Variants in ENC1 observed in about 807,000 individuals in gnomAD.
The protein encoded by ENC1 is ectodermal-neural cortex 1.
ENC1 carries 19 observed loss-of-function variants against 40.9 expected under a neutral mutation model. The ratio of observed to expected loss-of-function variants is 0.46; its 90% CI spans 0.32 to 0.68. The LOEUF is 0.68. Among genes scored for constraint, ENC1 ranks in the 30% least tolerant of loss-of-function variants. The probability of loss-of-function intolerance (pLI) is 0.03; values close to 1 mark genes in which losing one functional copy is unlikely to be tolerated. For synonymous variants in ENC1, 285 were observed against 291.1 expected (o/e 0.98, Z 0.21); for missense variants, 479 against 737.5 (o/e 0.65, Z 4.06).
intron 1 of ENC1, chr5:74,640,052 A>C (rs1370953929): frequency 6.6e-6 from 1 of 152,148 alleles, no homozygotes; most frequent in Non-Finnish European, 1.5e-5. Context: ...TCGCTTCCCC[A>C]GCGGCTCGCC....
chr5:74,630,366 C>A (rs774174075), intron 2 of ENC1, among the ~76,000 whole-genome samples: 4 of 152,200 alleles, frequency 2.6e-5, no homozygotes, highest in African/African-American at 9.6e-5. Context: ...CATAAAATTT[C>A]TTTCTGTGGT....
At position 74,628,142 on chromosome 5, in the gene ENC1, C is replaced by T. The variant is rs1747264734; in HGVS notation, c.*1883G>A. 1.3e-5 allele frequency: 2 copies of T among 152,596 alleles called. No individual in the cohort carries two copies. 9.5% of individuals were successfully genotyped at this position (152,596 alleles called of 1,614,324 possible). ...CATTGCTTAGAACACATCTAGGAAC[C>T]AGGGACTGACTGCTGGAAAGTACTG... is the stretch of plus-strand genomic sequence containing the variant. On this transcript the variant is annotated 3_prime_UTR_variant, in exon 3 of 3. Transcript: ENST00000302351.
At position 74,635,076 on chromosome 5, in the gene ENC1, G is replaced by A. The variant is rs1747528307; in HGVS notation, c.1410C>T (p.Asn470=). The change falls in exon 2 of 3, where the codon AAC becomes AAT. Residue 470 remains asparagine (N), a synonymous_variant. Transcript: ENST00000302351. This position sits in a 1 kb window ranked among gnomAD's most constrained non-coding sequence, Gnocchi z 5.5. ...PKVQCYDQCE[N]RWTVPATCPQ... ...GACAGGTGGCCGGTACAGTCCACCT[G>A]TTTTCACACTGATCGTAACACTGAA... The A allele has an allele frequency of 2.5e-6, 4 of 1,614,184 alleles. No individual in the cohort carries two copies. Among genetic ancestry groups the A allele is most frequent in the Non-Finnish European group, 3.4e-6 (4 of 1,180,024 alleles).
At position 74,627,846 on chromosome 5, in the gene ENC1, T is replaced by C. The variant is rs1382851493; in HGVS notation, c.*2179A>G. ...CAAGTAGTGAGACCAAATGCCTATA[T>C]CGATTCAAAGAGTGGGAGTCCAGAA... On this transcript the variant is annotated 3_prime_UTR_variant, in exon 3 of 3. Coordinates refer to ENST00000302351, the MANE Select transcript of ENC1 (RefSeq NM_003633.4). The C allele has an allele frequency of 6.6e-6, 1 of 152,668 alleles. No individual in the cohort carries two copies. Among genetic ancestry groups the C allele is most frequent in the Non-Finnish European group, 1.5e-5 (1 of 68,084 alleles). 9.5% of individuals were successfully genotyped at this position (152,668 alleles called of 1,614,324 possible).
chr5:74,629,955 T>C lies in ENC1; in HGVS notation c.*70A>G, dbSNP rs553446880. Reference sequence around the variant, plus strand: ...TTCATTAGACTTGGCCTCTCCGAAGTAGAAATCTCATATTATCTCATCGAG... The same window carrying C: ...TTCATTAGACTTGGCCTCTCCGAAGCAGAAATCTCATATTATCTCATCGAG... On this transcript the variant is annotated 3_prime_UTR_variant, in exon 3 of 3. Transcript: ENST00000302351. 3.3e-5 allele frequency: 5 copies of C among 151,832 alleles called. No homozygotes were observed. In the South Asian group the frequency reaches 8.3e-4, roughly 25 times the overall value. 9.4% of individuals were successfully genotyped at this position (151,832 alleles called of 1,614,324 possible). A position where few individuals can be genotyped will look rare whatever the true frequency, so the allele number is the denominator to read the frequency against.
At chr5:74,638,596 A>C (rs1747699303) in intron 1 of ENC1, among the ~76,000 whole-genome samples, 1 of 152,222 alleles carries the variant, frequency 6.6e-6, no homozygotes, top group Non-Finnish European at 1.5e-5. Context: ...ACCAATGCCC[A>C]GTGTTTTGGA....
In ENC1 at chr5:74,629,177, C is replaced by T. The variant is rs1470033992; in HGVS notation, c.*848G>A. On this transcript the variant is annotated 3_prime_UTR_variant, in exon 3 of 3. Coordinates refer to ENST00000302351, the MANE Select transcript of ENC1 (RefSeq NM_003633.4). ...TGTCTTGACATTTTAAAAATCCACC[C>T]CTCCCCAACCCACCCTCCAGTTATG... The T allele has an allele frequency of 6.6e-6, 1 of 152,084 alleles. No individual in the cohort carries two copies. The highest frequency in any genetic ancestry group is 6.6e-5 in the Admixed American group (1 of 15,264). The allele number at this position is 152,084 out of a possible 1,614,324, so 9.4% of individuals were successfully genotyped here. A position where few individuals can be genotyped will look rare whatever the true frequency, so the allele number is the denominator to read the frequency against.
At chr5:74,633,293 C>G (rs2112021606) in intron 2 of ENC1, among the ~76,000 whole-genome samples, 1 of 152,230 alleles carries the variant, frequency 6.6e-6, no homozygotes, top group Admixed American at 6.5e-5. Flanking sequence ...TTATTTGAGC[C>G]AAGAGTATTC....
intron 2 of ENC1, among the ~76,000 whole-genome samples, chr5:74,630,309 A>G (rs1747349915): frequency 6.6e-6 from 1 of 152,188 alleles, no homozygotes; most frequent in Non-Finnish European, 1.5e-5. Context: ...ATCCAAACCT[A>G]TATGTCTAGA....
chr5:74,639,076 G>C lies in ENC1; in HGVS notation c.-14+1231C>G, dbSNP rs1233029923. ...TTGGCCCAACAAGCCAGAAGGAAGA[G>C]CCTAGCCTGTCATCTTGGATACCAC... On this transcript the variant is annotated intron_variant, in intron 1 of 2. Coordinates refer to ENST00000302351, the MANE Select transcript of ENC1 (RefSeq NM_003633.4). Among the ~76,000 whole-genome samples the C allele has an allele frequency of 5.3e-5, 8 of 152,336 alleles. No individual in the cohort carries two copies. In the South Asian group the frequency reaches 1.7e-3, roughly 32 times the overall value.
rs745617479 is a variant in ENC1, at chr5:74,635,715, G to A, written c.771C>T (p.Thr257=). 3 of 1,614,120 alleles carry A rather than the reference G, an allele frequency of 1.9e-6. No individual in the cohort carries two copies. Among genetic ancestry groups the A allele is most frequent in the South Asian group, 2.2e-5 (2 of 91,080 alleles). ...MENVAMEELI[T]KQRKSKEIVE... Reference sequence around the variant, plus strand: ...CAATTTCCTTACTCTTTCTCTGCTTGGTGATGAGTTCCTCCATGGCCACAT... The same window carrying A: ...CAATTTCCTTACTCTTTCTCTGCTTAGTGATGAGTTCCTCCATGGCCACAT... Residue 257 remains threonine (T), a synonymous_variant, in exon 2 of 3, where the codon ACC becomes ACT. Transcript: ENST00000302351. This position sits in a 1 kb window ranked among gnomAD's most constrained non-coding sequence, Gnocchi z 5.5.
At position 74,635,732 on chromosome 5, in the gene ENC1, T is replaced by C. The variant is rs773857113; in HGVS notation, c.754A>G (p.Met252Val). ...PAIYLMENVA[M>V]EELITKQRKS... Reference sequence around the variant, plus strand: ...CTCTGCTTGGTGATGAGTTCCTCCATGGCCACATTCTCCATGAGATAGATG... The same window carrying C: ...CTCTGCTTGGTGATGAGTTCCTCCACGGCCACATTCTCCATGAGATAGATG... Residue 252 changes from methionine to valine, a missense_variant, in exon 2 of 3, where the codon ATG (methionine) becomes GTG (valine). By Grantham distance (21) the Met-to-Val change is conservative. Transcript: ENST00000302351. This position sits in a 1 kb window ranked among gnomAD's most constrained non-coding sequence, Gnocchi z 5.5. 28 of 1,614,072 alleles carry C rather than the reference T, an allele frequency of 1.7e-5. No homozygotes were observed. Among genetic ancestry groups the C allele is most frequent in the South Asian group, 7.7e-5 (7 of 91,082 alleles).
rs1747316211 is a variant in ENC1, at chr5:74,629,456, T to C, written c.*569A>G. ...CAAATGGCTACCAACAAAGTCCCCA[T>C]TGTTCAGAAACGTTCCTGGGGAGCA... On this transcript the variant is annotated 3_prime_UTR_variant, in exon 3 of 3. Transcript: ENST00000302351. The C allele has an allele frequency of 6.6e-6, 1 of 152,234 alleles. No homozygotes were observed. The highest frequency in any genetic ancestry group is 1.5e-5 in the Non-Finnish European group (1 of 68,048). 9.4% of individuals were successfully genotyped at this position (152,234 alleles called of 1,614,324 possible).
chr5:74,638,333 CA>C (rs1425181895), intron 1 of ENC1, among the ~76,000 whole-genome samples: 2 of 152,196 alleles, frequency 1.3e-5, no homozygotes, highest in Non-Finnish European at 2.9e-5. Flanking sequence ...ACCACAAAGG[CA>C]GGGGCATGAC....
intron 1 of ENC1, among the ~76,000 whole-genome samples, chr5:74,639,544 T>A (rs999416347): frequency 6.6e-6 from 1 of 152,176 alleles, no homozygotes; most frequent in Admixed American, 6.5e-5. Context: ...CTCAATCCAA[T>A]CAAAAGAGAA....
intron 2 of ENC1, among the ~76,000 whole-genome samples, chr5:74,633,990 C>CT (rs1747481729): frequency 6.6e-6 from 1 of 152,240 alleles, no homozygotes; most frequent in South Asian, 2.1e-4. Flanking sequence ...AGCTGGCATA[C>CT]TTAACAGAGG....
rs183860882 is a variant in ENC1 at position 74,633,845 on chromosome 5, T to C, written c.*32+839A>G. Among the ~76,000 whole-genome samples the C allele has an allele frequency of 2.3e-3, 356 of 152,308 alleles. 1 individual carries two copies. Among genetic ancestry groups the C allele is most frequent in the African/African-American group, 7.9e-3 (328 of 41,564 alleles). On this transcript the variant is annotated intron_variant, in intron 2 of 2. Coordinates refer to ENST00000302351, the MANE Select transcript of ENC1 (RefSeq NM_003633.4). ...AACTCGGGCAGCTTAGCCTCCGTAATGCATGAAGGTTTTTTCATCTATAAA... is the reference window on the plus strand; with the variant it reads ...AACTCGGGCAGCTTAGCCTCCGTAACGCATGAAGGTTTTTTCATCTATAAA...
At position 74,635,017 on chromosome 5, in the gene ENC1, A is replaced by C. The variant is rs1170008720; in HGVS notation, c.1469T>G (p.Leu490Arg). Residue 490 changes from leucine to arginine, a missense_variant, in exon 2 of 3, where the codon CTG becomes CGG. By Grantham distance (102) the Leu-to-Arg change is moderately radical. Transcript: ENST00000302351. This position sits in a 1 kb window ranked among gnomAD's most constrained non-coding sequence, Gnocchi z 5.5. ...QPWRYTAAAV[L>R]GNQIFIMGGD... Reference sequence around the variant, plus strand: ...CCCCATAATAAAAATCTGGTTCCCCAGCACAGCTGCTGCTGTGTAACGCCA... The same window carrying C: ...CCCCATAATAAAAATCTGGTTCCCCCGCACAGCTGCTGCTGTGTAACGCCA... 2 of 1,614,238 alleles carry C rather than the reference A, an allele frequency of 1.2e-6. No individual in the cohort carries two copies.
Position 74,636,284 on chromosome 5 carries a change from T to C in ENC1, c.202A>G (p.Ser68Gly). 6.2e-7 allele frequency: 1 copy of C among 1,614,188 alleles called. No individual in the cohort carries two copies. The highest frequency in any genetic ancestry group is 8.5e-7 in the Non-Finnish European group (1 of 1,180,044). The change falls in exon 2 of 3, where the codon AGT becomes GGT. Residue 68 changes from serine (S) to glycine (G), a missense_variant. Transcript: ENST00000302351. This position sits in a 1 kb window ranked among gnomAD's most constrained non-coding sequence, Gnocchi z 4.8. ...CTGAACATGGCCTCAAAGTAGCGACTGCATGCAGCCAGCACTGCCCGGTGG... is the reference window on the plus strand; with the variant it reads ...CTGAACATGGCCTCAAAGTAGCGACCGCATGCAGCCAGCACTGCCCGGTGG... ...PCHRAVLAAC[S>G]RYFEAMFSGG...
Sources: gnomAD v4.1 joint callset for allele counts (sites outside exome capture counted in the v4.1 genomes callset) on GRCh38, gnomAD v4.1.1 for gene constraint, Gnocchi (gnomAD v3.1) non-coding constraint, MANE v1.5 for transcripts, NCBI Gene and HGNC (gene_info 2026-07-23, HGNC 2026-07-21) for gene names.